KIAA1217: variants seen among roughly 807,000 people sequenced by gnomAD.
KIAA1217 encodes the protein KIAA1217.
KIAA1217 carries 88 observed loss-of-function variants against 163.9 expected under a neutral mutation model. The observed-to-expected ratio is 0.54, with a 90% CI of 0.45 to 0.64. The LOEUF (loss-of-function observed/expected upper bound fraction) is 0.64. Among genes scored for constraint, KIAA1217 ranks in the 30% least tolerant of loss-of-function variants. The pLI, the probability that KIAA1217 is intolerant of heterozygous loss-of-function variation, is 0.00. For synonymous variants in KIAA1217, 903 were observed against 923.1 expected (o/e 0.98, Z 0.39); for missense variants, 2,372 against 2,475.0 (o/e 0.96, Z 0.88).
chr10:24,493,384 C>T (rs1171229958), intron 6 of KIAA1217, among the ~76,000 whole-genome samples: 3 of 152,206 alleles, frequency 2.0e-5, no homozygotes, highest in Non-Finnish European at 2.9e-5. Flanking sequence ...TTGTTCTCCT[C>T]TCTCTCCTTT....
chr10:23,742,934 G>A (rs1839199566), intron 1 of KIAA1217, among the ~76,000 whole-genome samples: 1 of 152,084 alleles, frequency 6.6e-6, no homozygotes, highest in Non-Finnish European at 1.5e-5. Flanking sequence ...TGTGTTCAAG[G>A]GACAGTCCCT....
intron 2 of KIAA1217, among the ~76,000 whole-genome samples, chr10:24,172,472 C>T (rs1024328954): frequency 4.6e-5 from 7 of 152,134 alleles, no homozygotes; most frequent in African/African-American, 1.4e-4. Context: ...GGGTCTTGAC[C>T]GCAGTGCATC....
At chr10:24,013,677 A>G (rs572932409) in intron 2 of KIAA1217, among the ~76,000 whole-genome samples, 6 of 152,264 alleles carry the variant, frequency 3.9e-5, no homozygotes, top group African/African-American at 1.4e-4. Context: ...TATATTCAGG[A>G]TCAGGTTTCA....
At chr10:24,348,973 T>C (rs1215679730) in intron 2 of KIAA1217, among the ~76,000 whole-genome samples, 5 of 151,952 alleles carry the variant, frequency 3.3e-5, no homozygotes, top group Non-Finnish European at 7.4e-5. Context: ...ATAGTGAGAA[T>C]CCCATTTTTC....
chr10:24,391,333 C>T (rs4019371), intron 3 of KIAA1217, among the ~76,000 whole-genome samples: 1,112 of 29,706 alleles, frequency 0.037, 62 homozygotes, highest in East Asian at 0.08. Context: ...TTCTTTCTTT[C>T]TTTTTTTTTT....
rs777644018 is a variant in KIAA1217 at position 24,438,460 on chromosome 10, C to G, written c.827C>G (p.Thr276Ser). The G allele has an allele frequency of 2.5e-6, 4 of 1,609,966 alleles. No homozygotes were observed. Among genetic ancestry groups the G allele is most frequent in the African/African-American group, 1.3e-5 (1 of 74,812 alleles). The change falls in exon 5 of 21, where the codon ACT becomes AGT. Residue 276 changes from threonine (T) to serine (S), a missense_variant. This residue lies in a region of KIAA1217 where 1,431 missense variants were observed against 1,470.3 expected (regional missense o/e 0.97). Coordinates refer to ENST00000376454, the MANE Select transcript of KIAA1217 (RefSeq NM_019590.5). ...CATGCGTTTAATCACACACCAAAAA[C>G]TATGAATGGAGACATGAGGGTAAGT... Reference protein sequence around the residue: ...PAHAFNHTPKTMNGDMRMQRE... With the variant: ...PAHAFNHTPKSMNGDMRMQRE...
chr10:24,423,594 G>C (rs960055560), intron 3 of KIAA1217, among the ~76,000 whole-genome samples: 2 of 152,128 alleles, frequency 1.3e-5, no homozygotes, highest in African/African-American at 4.8e-5. Context: ...CAAGTAGCTG[G>C]GACTACAGGC....
intron 2 of KIAA1217, among the ~76,000 whole-genome samples, chr10:24,023,016 C>A (rs774288772): frequency 6.6e-6 from 1 of 151,388 alleles, no homozygotes; most frequent in East Asian, 1.9e-4. Flanking sequence ...TAGTCAAGAA[C>A]AAGACCCAAC....
At chr10:23,996,470 T>A (rs1846488829) in intron 1 of KIAA1217, among the ~76,000 whole-genome samples, 1 of 152,144 alleles carries the variant, frequency 6.6e-6, no homozygotes, top group African/African-American at 2.4e-5. Context: ...GCAGAAACTG[T>A]TATTTTCTTT....
At chr10:23,900,288 G>A (rs930207105) in intron 1 of KIAA1217, among the ~76,000 whole-genome samples, 58 of 151,990 alleles carry the variant, frequency 3.8e-4, no homozygotes, top group Non-Finnish European at 1.5e-5. Context: ...TTACAAGCAC[G>A]AGCCACCACA....
In KIAA1217 at chr10:23,818,821, C is replaced by T. The variant is rs183446797; in HGVS notation, c.-321+123587C>T. ...ATCACAGCTCTGTAAGCTCTCTTGA[C>T]AAATGTCATGACCTGGTGACTATTT... On this transcript the variant is annotated intron_variant, in intron 1 of 18. Transcript: ENST00000376462. Among the ~76,000 whole-genome samples the T allele has an allele frequency of 1.2e-4, 19 of 152,278 alleles. 1 individual carries two copies. The East Asian group carries it at 3.3e-3, about 26-fold the overall frequency.
intron 2 of KIAA1217, among the ~76,000 whole-genome samples, chr10:24,180,587 C>T (rs1331005662): frequency 1.3e-5 from 2 of 152,080 alleles, no homozygotes; most frequent in Non-Finnish European, 2.9e-5. Flanking sequence ...TCCTCTTCTC[C>T]TTCCCAACCT....
At position 24,543,413 on chromosome 10, in the gene KIAA1217, C is replaced by T; in HGVS notation, c.4143C>T (p.Asp1381=). The T allele has an allele frequency of 6.2e-7, 1 of 1,614,110 alleles. No individual in the cohort carries two copies. Among genetic ancestry groups the T allele is most frequent in the South Asian group, 1.1e-5 (1 of 91,066 alleles). The change falls in exon 19 of 21, where the codon GAC becomes GAT. Residue 1381 remains aspartate, a synonymous_variant. Transcript: ENST00000376454. ...CCACTGAAGAAAATGCAGCCACTGA[C>T]AATATTGCCTTCATGATTACCGAAA... is the stretch of plus-strand genomic sequence containing the variant. ...SSPTEENAAT[D]NIAFMITETT...
intron 1 of KIAA1217, among the ~76,000 whole-genome samples, chr10:23,765,515 T>C (rs941306900): frequency 2.6e-5 from 4 of 152,144 alleles, no homozygotes; most frequent in Admixed American, 6.5e-5. Context: ...CCCAAAAGTA[T>C]GCATTGACAT....
chr10:24,487,575 T>G (rs2065574093), intron 6 of KIAA1217, among the ~76,000 whole-genome samples: 1 of 152,282 alleles, frequency 6.6e-6, no homozygotes, highest in African/African-American at 2.4e-5. Flanking sequence ...AACACCTCAG[T>G]GAATTTATGA....
chr10:23,746,517 G>A (rs892075023), intron 1 of KIAA1217, among the ~76,000 whole-genome samples: 16 of 152,090 alleles, frequency 1.1e-4, no homozygotes, highest in Non-Finnish European at 2.9e-5. Context: ...TCCGCCTCCC[G>A]GGTTCAGGCC....
At chr10:23,814,365 A>C (rs375207145) in intron 1 of KIAA1217, among the ~76,000 whole-genome samples, 38 of 152,272 alleles carry the variant, frequency 2.5e-4, no homozygotes, top group African/African-American at 9.1e-4. Context: ...CAGTGTTGGA[A>C]TCCAGGTGTT....
intron 1 of KIAA1217, among the ~76,000 whole-genome samples, chr10:23,753,699 A>T (rs574204238): frequency 1.8e-4 from 28 of 152,316 alleles, no homozygotes; most frequent in South Asian, 1.2e-3. Flanking sequence ...TAAGCAAATT[A>T]ATCTGTTTTA....
chr10:24,079,815 A>G (rs1564675566), intron 2 of KIAA1217, among the ~76,000 whole-genome samples: 1 of 152,220 alleles, frequency 6.6e-6, no homozygotes, highest in Admixed American at 6.5e-5. Context: ...GCCACGCACA[A>G]CTGAATTGAA....
Sources: allele counts gnomAD v4.1 joint callset (sites outside exome capture counted in the v4.1 genomes callset), GRCh38; gene constraint gnomAD v4.1.1; regional missense constraint gnomAD v4.1.1; transcripts MANE v1.5; gene names NCBI Gene and HGNC (gene_info 2026-07-23, HGNC 2026-07-21).